SMAD9: variants seen among roughly 807,000 people sequenced by gnomAD.
SMAD9 encodes MAD homolog 9.
In SMAD9, 36 loss-of-function variants were observed where a neutral mutation model predicts 46.1. The ratio of observed to expected loss-of-function variants is 0.78; its 90% CI spans 0.60 to 1.03. The LOEUF (loss-of-function observed/expected upper bound fraction) is 1.03. Among genes scored for constraint, SMAD9 ranks in the 50% least tolerant of loss-of-function variants. SMAD9 has a pLI of 0.00. For synonymous variants in SMAD9, 245 were observed against 237.1 expected, an observed-to-expected ratio of 1.03 and a Z score of -0.31; for missense variants, 572 against 599.8, an observed-to-expected ratio of 0.95 and a Z score of 0.48.
intron 1 of SMAD9, among the ~76,000 whole-genome samples, chr13:36,887,039 G>GTTT (rs1289826760): frequency 8.1e-6 from 1 of 123,766 alleles, no homozygotes; most frequent in African/African-American, 3.2e-5. Context: ...CCTTTGAATG[G>GTTT]GTTTTTTTTT....
rs553566297 is a variant in SMAD9 at position 36,845,646 on chromosome 13, T to A, written c.*3030A>T. The A allele has an allele frequency of 6.6e-6, 1 of 152,154 alleles. No individual in the cohort carries two copies. Among genetic ancestry groups the A allele is most frequent in the East Asian group, 1.9e-4 (1 of 5,194 alleles). 9.4% of individuals were successfully genotyped at this position (152,154 alleles called of 1,614,324 possible). On this transcript the variant is annotated 3_prime_UTR_variant, in exon 7 of 7. Transcript: ENST00000379826. ...GCTATTCAGTTTTTTTTTTAATGTC[T>A]ACATCAAGGAATGAATGCTAAATGA...
intron 1 of SMAD9, among the ~76,000 whole-genome samples, chr13:36,882,780 AT>A (rs2058415178): frequency 6.6e-6 from 1 of 152,206 alleles, no homozygotes; most frequent in Non-Finnish European, 1.5e-5. Context: ...TGCTTGGCAT[AT>A]TTTTAATAGA....
chr13:36,872,741 G>T lies in SMAD9; in HGVS notation c.587C>A (p.Ala196Glu). Residue 196 changes from alanine (A) to glutamate (E), a missense_variant, in exon 3 of 7, where the codon GCG becomes GAG. Transcript: ENST00000379826. ...CSALPPSPSH[A>E]FSQSPCTASY... ...GGCCGTGCACGGGGACTGGGAGAAC[G>T]CGTGGCTGGGTGAGGGAGGGAGTGC... 4 of 1,614,012 alleles carry T rather than the reference G, an allele frequency of 2.5e-6. No individual in the cohort carries two copies. Among genetic ancestry groups the T allele is most frequent in the South Asian group, 1.1e-5 (1 of 91,080 alleles).
chr13:36,873,568 A>G (rs1328251031), intron 2 of SMAD9, among the ~76,000 whole-genome samples: 1 of 152,248 alleles, frequency 6.6e-6, no homozygotes, highest in Non-Finnish European at 1.5e-5. Context: ...TGACTAAGTA[A>G]AAGATGAGCA....
At position 36,867,299 on chromosome 13, in the gene SMAD9, T is replaced by A; in HGVS notation, c.755A>T (p.His252Leu). The A allele has an allele frequency of 1.9e-6, 3 of 1,548,294 alleles. No homozygotes were observed. The South Asian group carries it at 3.6e-5, about 18-fold the overall frequency. The change falls in exon 4 of 7, where the codon CAT (histidine) becomes CTT (leucine). Residue 252 changes from histidine (H) to leucine (L), a missense_variant. His to Leu is a moderately conservative substitution (Grantham distance 99). Transcript: ENST00000379826. ...TCCATTTGGTATCGATAGCACTACA[T>A]GTCTATCAGCTGTGGCATCTACAGG... ...GQPVDATADRHVVLSIPNGDF... is the reference protein window; with the variant it reads ...GQPVDATADRLVVLSIPNGDF...
Position 36,879,380 on chromosome 13 carries a change from G to A in SMAD9, c.310C>T (p.His104Tyr). 1 of 1,614,128 alleles carries A rather than the reference G, an allele frequency of 6.2e-7. No individual in the cohort carries two copies. The highest frequency in any genetic ancestry group is 8.5e-7 in the Non-Finnish European group (1 of 1,180,026). The change falls in exon 2 of 7, where the codon CAC (histidine) becomes TAC (tyrosine). Residue 104 changes from histidine to tyrosine, a missense_variant. By Grantham distance (83) the His-to-Tyr change is moderately conservative. Coordinates refer to ENST00000379826, the MANE Select transcript of SMAD9 (RefSeq NM_001127217.3). ...RVWRWPDLQS[H>Y]HELKPLECCE... The stretch of plus-strand genomic sequence containing the variant: ...CACTCCAGCGGCTTCAGCTCGTGGT[G>A]GGACTGCAGATCCGGCCAGCGCCAC...
At position 36,848,531 on chromosome 13, in the gene SMAD9, A is replaced by G. The variant is rs1361681333; in HGVS notation, c.*145T>C. On this transcript the variant is annotated 3_prime_UTR_variant, in exon 7 of 7. Transcript: ENST00000379826. ...TCAGGTTAACTAGAAAGCACAAAAC[A>G]AACGGTGATTAAAAAAAATAAGAAC... 4 of 856,596 alleles carry G rather than the reference A, an allele frequency of 4.7e-6. No individual in the cohort carries two copies. The highest frequency in any genetic ancestry group is 7.8e-6 in the Non-Finnish European group (4 of 515,020). The allele number at this position is 856,596 out of a possible 1,614,324, so 53.1% of individuals were successfully genotyped here.
At position 36,872,805 on chromosome 13, in the gene SMAD9, C is replaced by T. The variant is rs2138437123; in HGVS notation, c.523G>A (p.Ala175Thr). 5.0e-6 allele frequency: 8 copies of T among 1,613,922 alleles called. No homozygotes were observed. The highest frequency in any genetic ancestry group is 6.8e-6 in the Non-Finnish European group (8 of 1,179,988). The part of the protein sequence containing the change: ...LHSEPLMPHN[A>T]TYPDSFQQPP... The stretch of plus-strand genomic sequence containing the variant: ...TGCTGGAAAGAGTCAGGATAGGTGG[C>T]GTTGTGTGGCATGAGTGGCTCACTG... The change falls in exon 3 of 7, where the codon GCC becomes ACC. Residue 175 changes from alanine to threonine, a missense_variant. Coordinates refer to ENST00000379826, the MANE Select transcript of SMAD9 (RefSeq NM_001127217.3).
chr13:36,897,496 C>T, intron 1 of SMAD9, among the ~76,000 whole-genome samples: 1 of 152,162 alleles, frequency 6.6e-6, no homozygotes, highest in East Asian at 1.9e-4. Context: ...ACAAGAGACT[C>T]TCCCACAGTA....
At position 36,853,482 on chromosome 13, in the gene SMAD9, G is replaced by T. The variant is rs753425325; in HGVS notation, c.1197C>A (p.His399Gln). The T allele has an allele frequency of 6.2e-7, 1 of 1,613,966 alleles. No individual in the cohort carries two copies. Among genetic ancestry groups the T allele is most frequent in the South Asian group, 1.1e-5 (1 of 91,088 alleles). The change falls in exon 6 of 7, where the codon CAC becomes CAA. Residue 399 changes from histidine (H) to glutamine (Q), a missense_variant. Coordinates refer to ENST00000379826, the MANE Select transcript of SMAD9 (RefSeq NM_001127217.3). ...LFAQLLAQSV[H>Q]HGFEVVYELT... ...GTTCATACACGACTTCAAAGCCGTG[G>T]TGAACTGACTGGGCCAGGAGCTGAG...
At chr13:36,851,319 C>T (rs2058073067) in intron 6 of SMAD9, among the ~76,000 whole-genome samples, 1 of 152,148 alleles carries the variant, frequency 6.6e-6, no homozygotes, top group Non-Finnish European at 1.5e-5. Flanking sequence ...CTTCCCTCTT[C>T]TTCTGCTCTT....
chr13:36,900,020 T>C (rs1593614267), intron 1 of SMAD9, among the ~76,000 whole-genome samples: 1 of 152,200 alleles, frequency 6.6e-6, no homozygotes, highest in Admixed American at 6.5e-5. Context: ...TTCTCAGTAC[T>C]GGTGGCATAT....
At chr13:36,876,593 G>A (rs1032798657) in intron 2 of SMAD9, among the ~76,000 whole-genome samples, 1 of 152,020 alleles carries the variant, frequency 6.6e-6, no homozygotes, top group South Asian at 2.1e-4. Flanking sequence ...TAATTTGTCT[G>A]TACTATAAAA....
Position 36,915,112 on chromosome 13 carries a change from TG to T in SMAD9, c.-187+5003del, listed in dbSNP as rs1298947879. Among the ~76,000 whole-genome samples, 8 of 152,360 alleles carry T rather than the reference TG, an allele frequency of 5.3e-5. No individual in the cohort carries two copies. In the East Asian group the frequency reaches 1.2e-3, roughly 22 times the overall value. Reference sequence around the variant, plus strand: ...CCCAGTGTATCTAGGGATGTGCTCCTGGGGTCAGTGAGTTCAGGATGTGGCT... The same window carrying T: ...CCCAGTGTATCTAGGGATGTGCTCCTGGGTCAGTGAGTTCAGGATGTGGCT... On this transcript the variant is annotated intron_variant, in intron 1 of 6. Transcript: ENST00000379826.
intron 2 of SMAD9, among the ~76,000 whole-genome samples, chr13:36,877,881 T>A (rs2058360806): frequency 6.6e-6 from 1 of 152,176 alleles, no homozygotes; most frequent in Admixed American, 6.5e-5. Flanking sequence ...GATACTGTTT[T>A]AAGGTTAAGT....
At chr13:36,852,927 A>G (rs769038274) in intron 6 of SMAD9, among the ~76,000 whole-genome samples, 6 of 152,242 alleles carry the variant, frequency 3.9e-5, no homozygotes, top group African/African-American at 7.2e-5. Context: ...CAATTTTCAT[A>G]TAATTGCTAA....
rs11545112 is a variant in SMAD9, at chr13:36,879,473, G to A, written c.217C>T (p.Arg73Cys). 127 of 1,613,816 alleles carry A rather than the reference G, an allele frequency of 7.9e-5. No individual in the cohort carries two copies. The highest frequency in any genetic ancestry group is 5.5e-4 in the Admixed American group (33 of 60,030). The change falls in exon 2 of 7, where the codon CGC (arginine) becomes TGC (cysteine). Residue 73 changes from arginine (R) to cysteine (C), a missense_variant. Arg to Cys is a radical substitution (Grantham distance 180, BLOSUM62 -3). Transcript: ENST00000379826. ...ACCTGCAGCCGCCCGTCCAGGGAGCGGGGAATCGTGACGCATTTGCTGGGC... is the reference window on the plus strand; with the variant it reads ...ACCTGCAGCCGCCCGTCCAGGGAGCAGGGAATCGTGACGCATTTGCTGGGC... ...GQPSKCVTIP[R>C]SLDGRLQVSH...
intron 1 of SMAD9, among the ~76,000 whole-genome samples, chr13:36,902,121 G>A (rs919696349): frequency 9.9e-5 from 15 of 151,816 alleles, no homozygotes; most frequent in Non-Finnish European, 2.1e-4. Context: ...TAGCTCTTAT[G>A]TTTAGGTTAT....
chr13:36,900,058 C>T (rs1334810727), intron 1 of SMAD9, among the ~76,000 whole-genome samples: 3 of 152,084 alleles, frequency 2.0e-5, no homozygotes, highest in Admixed American at 6.5e-5. Context: ...AGCATGAATC[C>T]GTTACCTTCC....
Sources: gnomAD v4.1 joint callset for allele counts (sites outside exome capture counted in the v4.1 genomes callset) on GRCh38, gnomAD v4.1.1 for gene constraint, MANE v1.5 for transcripts, NCBI Gene and HGNC (gene_info 2026-07-23, HGNC 2026-07-21) for gene names.